Variants in NDUFC1 observed in about 807,000 individuals in gnomAD.
The protein encoded by NDUFC1 is NADH:ubiquinone oxidoreductase subunit C1.
Under a neutral mutation model 11.6 loss-of-function variants are expected in NDUFC1, and 11 were observed. The ratio of observed to expected loss-of-function variants is 0.95; its 90% CI spans 0.60 to 1.58. The LOEUF (loss-of-function observed/expected upper bound fraction) is 1.58, where lower values mean the gene tolerates loss of function less well. NDUFC1 is among the 40% of genes most tolerant of loss of function. The probability of loss-of-function intolerance (pLI) is 0.00; values close to 1 mark genes in which losing one functional copy is unlikely to be tolerated. For synonymous variants in NDUFC1, 52 were observed against 42.2 expected, an observed-to-expected ratio of 1.23 and a Z score of -0.90; for missense variants, 112 against 93.0, an observed-to-expected ratio of 1.20 and a Z score of -0.84.
At chr4:139,296,159 G>T (rs1020184506) in intron 2 of NDUFC1, among the ~76,000 whole-genome samples, 199 bp from the exon 3 acceptor site, 1 of 152,132 alleles carries the variant, frequency 6.6e-6, no homozygotes, top group African/African-American at 2.4e-5. Flanking sequence ...GTCCAGGCAC[G>T]GTGCATTAAT....
rs541600955 is a variant in NDUFC1, at chr4:139,295,917, C to G, written c.-119G>C. The stretch of plus-strand genomic sequence containing the variant: ...CTCCGTGGGGGCGTCAACGTGAATT[C>G]CAGCACGGCAAGGTTCTCTAGCACC... On this transcript the variant is annotated 5_prime_UTR_variant, in exon 3 of 6. Transcript: ENST00000394223. 81 of 1,025,114 alleles carry G rather than the reference C, an allele frequency of 7.9e-5. 1 individual carries two copies. The South Asian group carries it at 1.1e-3, about 14-fold the overall frequency. 63.5% of individuals were successfully genotyped at this position (1,025,114 alleles called of 1,614,324 possible).
chr4:139,298,914 A>G (rs1745590310), intron 1 of NDUFC1, among the ~76,000 whole-genome samples: 1 of 151,698 alleles, frequency 6.6e-6, no homozygotes, highest in Non-Finnish European at 1.5e-5. Flanking sequence ...GGCTCAAGCG[A>G]TCTTCCTGCC....
intron 4 of NDUFC1, among the ~76,000 whole-genome samples, chr4:139,294,691 C>T (rs1745379970): frequency 6.7e-6 from 1 of 149,582 alleles, no homozygotes; most frequent in Non-Finnish European, 1.5e-5. Context: ...GCCGAGATCA[C>T]GCCACTGCAC....
Position 139,295,740 on chromosome 4 carries a change from G to T in NDUFC1, c.59C>A (p.Pro20Gln). ...ACGAGGAGGATACTCACGGCCGCTC[G>T]GGAGCCTGGCGGGGGCCAGCAGCCG... ...LSRLLAPARL[P>Q]SGPSVRSKFY... The change falls in exon 3 of 6, where the codon CCG becomes CAG. Residue 20 changes from proline to glutamine, a missense_variant. By Grantham distance (76) the Pro-to-Gln change is moderately conservative (BLOSUM62 -1). Transcript: ENST00000394223. 1 of 1,546,868 alleles carries T rather than the reference G, an allele frequency of 6.5e-7. No homozygotes were observed. Among genetic ancestry groups the T allele is most frequent in the East Asian group, 2.5e-5 (1 of 40,620 alleles).
At position 139,295,801 on chromosome 4, in the gene NDUFC1, T is replaced by C. The variant is rs1386802552; in HGVS notation, c.-3A>G. 7 of 1,545,218 alleles carry C rather than the reference T, an allele frequency of 4.5e-6. No individual in the cohort carries two copies. Among genetic ancestry groups the C allele is most frequent in the Non-Finnish European group, 6.1e-6 (7 of 1,146,018 alleles). On this transcript the variant is annotated 5_prime_UTR_variant, in exon 3 of 6. Coordinates refer to ENST00000394223, the MANE Select transcript of NDUFC1 (RefSeq NM_001184989.2). ...CGCAGCAAGGCGGACGGCGCCATCT[T>C]GCGTGGCCCAGCTCAGTCTCTCCGA...
At position 139,295,852 on chromosome 4, in the gene NDUFC1, G is replaced by T; in HGVS notation, c.-54C>A. The T allele has an allele frequency of 6.5e-7, 1 of 1,528,262 alleles. No homozygotes were observed. 94.7% of individuals were successfully genotyped at this position (1,528,262 alleles called of 1,614,324 possible). On this transcript the variant is annotated 5_prime_UTR_variant, in exon 3 of 6. Coordinates refer to ENST00000394223, the MANE Select transcript of NDUFC1 (RefSeq NM_001184989.2). ...GTTGGCAACAGAACCAGCGCCACCT[G>T]GCGGCCGGAAGTGCGGGACTCGAGG... is the stretch of plus-strand genomic sequence containing the variant.
chr4:139,292,448 C>A (rs1054643692), intron 5 of NDUFC1, 82 bp downstream of exon 5: 1 of 575,830 alleles, frequency 1.7e-6, no homozygotes, highest in South Asian at 3.8e-5. Flanking sequence ...ACAAAACAAA[C>A]AACAAGCTTG....
Position 139,295,090 on chromosome 4 carries a change from G to A in NDUFC1, c.124C>T (p.Leu42=), listed in dbSNP as rs542462398. The change falls in exon 4 of 6, where the codon CTG becomes TTG. Residue 42 remains leucine (L), a synonymous_variant. Coordinates refer to ENST00000394223, the MANE Select transcript of NDUFC1 (RefSeq NM_001184989.2). The part of the protein sequence containing the change: ...REPPNAKPDW[L]KVGFTLGTTV... ...GTGCCCAAGGTGAACCCAACTTTCAGCCAGTCAGGTTTGGCATTCGGCGGC... is the reference window on the plus strand; with the variant it reads ...GTGCCCAAGGTGAACCCAACTTTCAACCAGTCAGGTTTGGCATTCGGCGGC... 6.2e-7 allele frequency: 1 copy of A among 1,614,174 alleles called. No individual in the cohort carries two copies. Among genetic ancestry groups the A allele is most frequent in the South Asian group, 1.1e-5 (1 of 91,082 alleles).
intron 1 of NDUFC1, among the ~76,000 whole-genome samples, chr4:139,298,178 G>A (rs987667216): frequency 7.2e-5 from 11 of 152,088 alleles, no homozygotes; most frequent in African/African-American, 2.7e-4. Flanking sequence ...CCTGGCTCAC[G>A]CCTGTAATCC....
In NDUFC1 at chr4:139,295,936, T is replaced by C. The variant is rs2110774084; in HGVS notation, c.-138A>G. ...TGAATTCCAGCACGGCAAGGTTCTC[T>C]AGCACCCCGGCCTCAGCCTTCTGTC... On this transcript the variant is annotated 5_prime_UTR_variant, in exon 3 of 6. Transcript: ENST00000394223. 4 of 789,892 alleles carry C rather than the reference T, an allele frequency of 5.1e-6. No homozygotes were observed. The highest frequency in any genetic ancestry group is 1.7e-5 in the South Asian group (1 of 59,710). 48.9% of individuals were successfully genotyped at this position (789,892 alleles called of 1,614,324 possible).
At chr4:139,299,954 AATTTGGATATGAAGCCAGAG>A (rs1745640168) in intron 1 of NDUFC1, among the ~76,000 whole-genome samples, 1 of 152,190 alleles carries the variant, frequency 6.6e-6, no homozygotes, top group South Asian at 2.1e-4. Flanking sequence ...TGAAGCCAGA[AATTTGGATATGAAGCCAGAG>A]ATTTGGAAAT....
chr4:139,292,087 T>G (rs1020859688), intron 5 of NDUFC1, among the ~76,000 whole-genome samples: 17 of 152,206 alleles, frequency 1.1e-4, no homozygotes, highest in Non-Finnish European at 1.8e-4. Flanking sequence ...TCCACCCGCC[T>G]CGGCCTCCCA....
At chr4:139,296,605 C>T (rs751753384) in intron 2 of NDUFC1, among the ~76,000 whole-genome samples, 1 of 152,210 alleles carries the variant, frequency 6.6e-6, no homozygotes, top group Non-Finnish European at 1.5e-5. Flanking sequence ...AGTTTTACAT[C>T]TGTAACATAA....
At chr4:139,296,708 TAG>T (rs2110776486) in intron 2 of NDUFC1, among the ~76,000 whole-genome samples, 1 of 152,364 alleles carries the variant, frequency 6.6e-6, no homozygotes, top group East Asian at 1.9e-4. Context: ...TTCTGAGGAA[TAG>T]GTTTTATCTT....
chr4:139,294,907 G>A (rs889618526), intron 4 of NDUFC1, 136 bp downstream of exon 4: 4 of 580,068 alleles, frequency 6.9e-6, no homozygotes, highest in Non-Finnish European at 1.2e-5. Context: ...ACGTATCAGC[G>A]ATTATATAAA....
chr4:139,301,633 G>A, intron 1 of NDUFC1: 2 of 865,090 alleles, frequency 2.3e-6, no homozygotes, highest in Non-Finnish European at 3.6e-6. Context: ...TCCGGGTAGG[G>A]CAACGCGGCG....
At chr4:139,301,123 A>G (rs752581386) in intron 1 of NDUFC1, 7 of 160,358 alleles carry the variant, frequency 4.4e-5, no homozygotes, top group Non-Finnish European at 8.1e-5. Flanking sequence ...CATTTCGTCC[A>G]TAATCAACTA....
chr4:139,290,877 T>C (rs1268868207), intron 5 of NDUFC1, among the ~76,000 whole-genome samples: 1 of 151,932 alleles, frequency 6.6e-6, no homozygotes, highest in African/African-American at 2.4e-5. Flanking sequence ...ATTGGCTCAA[T>C]GCAACCTCCC....
At chr4:139,301,908 G>C (rs1745774481) in intron 1 of NDUFC1, 1 of 1,485,386 alleles carries the variant, frequency 6.7e-7, no homozygotes, top group African/African-American at 1.4e-5. Flanking sequence ...CCTCGGCCCG[G>C]CGGGCACTGA....
Sources: allele counts gnomAD v4.1 joint callset (sites outside exome capture counted in the v4.1 genomes callset), GRCh38; gene constraint gnomAD v4.1.1; transcripts MANE v1.5; gene names NCBI Gene and HGNC (gene_info 2026-07-23, HGNC 2026-07-21).